Variants in PPEF1 observed in about 807,000 individuals in gnomAD.
PPEF1 encodes protein phosphatase with EF-hand domain 1.
PPEF1 carries 12 observed loss-of-function variants against 53.3 expected under a neutral mutation model. The observed-to-expected ratio is 0.23, with a 90% CI of 0.14 to 0.36. The LOEUF is 0.36. Ranked by LOEUF, PPEF1 falls within the 10% of genes least tolerant of loss-of-function variation. The pLI, the probability that PPEF1 is intolerant of heterozygous loss-of-function variation, is 1.00. For missense variants in PPEF1, 334 were observed against 490.4 expected, an observed-to-expected ratio of 0.68 and a Z score of 3.01; for synonymous variants, 165 against 176.7, an observed-to-expected ratio of 0.93 and a Z score of 0.52.
upstream of PPEF1, among the ~76,000 whole-genome samples, chrX:18,675,103 C>A (rs931914684): frequency 8.9e-6 from 1 of 112,830 alleles, no homozygotes; most frequent in African/African-American, 3.2e-5. Context: ...GCGGCGGCTT[C>A]GAGTCTCGGG....
At chrX:18,784,979 T>C (rs960022617) in intron 9 of PPEF1, among the ~76,000 whole-genome samples, 31 of 111,200 alleles carry the variant, frequency 2.8e-4, no homozygotes, top group African/African-American at 1.0e-3. Flanking sequence ...AGCCAGATGA[T>C]GCTATATGGT....
At chrX:18,794,671 C>T (rs1392372926) in intron 10 of PPEF1, among the ~76,000 whole-genome samples, 3 of 112,621 alleles carry the variant, frequency 2.7e-5, no homozygotes, top group South Asian at 3.6e-4. Context: ...GCCCAATGAG[C>T]GGGAGAAGTG....
intron 4 of PPEF1, 101 bp from the exon 5 acceptor site, chrX:18,757,526 G>T: frequency 1.8e-6 from 1 of 565,891 alleles, no homozygotes. Flanking sequence ...GAAATACAGC[G>T]ACCTGAAACG....
chrX:18,719,887 C>T (rs1349512583), intron 1 of PPEF1, among the ~76,000 whole-genome samples: 7 of 111,729 alleles, frequency 6.3e-5, no homozygotes, highest in African/African-American at 2.0e-4. Flanking sequence ...AGTCTCAAAG[C>T]GTGTTCCTGC....
upstream of PPEF1, among the ~76,000 whole-genome samples, chrX:18,705,841 A>G (rs1281161598): frequency 3.6e-5 from 4 of 112,439 alleles, no homozygotes; most frequent in African/African-American, 1.3e-4. Flanking sequence ...TTTTCAAAAC[A>G]TGGCCATAGT....
At position 18,797,395 on chromosome X, in the gene PPEF1, T is replaced by A. The variant is rs893407970; in HGVS notation, c.1066-6497T>A. Among the ~76,000 whole-genome samples, 6 of 111,851 alleles carry A rather than the reference T, an allele frequency of 5.4e-5. No individual in the cohort carries two copies. The East Asian group carries it at 1.7e-3, about 31-fold the overall frequency. On this transcript the variant is annotated intron_variant, in intron 10 of 15. Transcript: ENST00000470157. Reference sequence around the variant, plus strand: ...GGGGATATATTTAATCGGAGTTAAGTCACTATACAGAGATGAATATGATAC... The same window carrying A: ...GGGGATATATTTAATCGGAGTTAAGACACTATACAGAGATGAATATGATAC...
At chrX:18,676,516 C>T (rs895325220) in intron 1 of PPEF1, among the ~76,000 whole-genome samples, 10 of 110,664 alleles carry the variant, frequency 9.0e-5, no homozygotes, top group African/African-American at 2.0e-4. Flanking sequence ...AGAGGCCTCT[C>T]GAGCGCTTGA....
rs770358761 is a variant in PPEF1, at chrX:18,787,724, A to T, written c.913-1397A>T. ...CACTTGAGACCAGAAGTTCGAGACC[A>T]GCCTGGGTAACATAGCAAGACCCCA... On this transcript the variant is annotated intron_variant, in intron 9 of 15. Transcript: ENST00000470157. Among the ~76,000 whole-genome samples, 17 of 101,940 alleles carry T rather than the reference A, an allele frequency of 1.7e-4. No homozygotes were observed. In the East Asian group the frequency reaches 5.3e-3, roughly 32 times the overall value. The allele number at this position is 101,940 out of a possible 115,157, so 88.5% of individuals were successfully genotyped here.
intron 6 of PPEF1, among the ~76,000 whole-genome samples, chrX:18,769,001 G>C (rs748410662): frequency 3.6e-5 from 4 of 112,379 alleles, no homozygotes; most frequent in Non-Finnish European, 5.6e-5. Context: ...TTTATTCTCA[G>C]ACACTTTTTG....
In PPEF1 at chrX:18,726,815, C is replaced by T. The variant is rs1229156925; in HGVS notation, c.47-3366C>T. Among the ~76,000 whole-genome samples the T allele has an allele frequency of 5.4e-5, 6 of 110,131 alleles. No individual in the cohort carries two copies. In the East Asian group the frequency reaches 1.7e-3, roughly 32 times the overall value. ...TAGCTGGGATTACAAGCGTGTACCA[C>T]CGTGCCCAGCTAATTTTTGTATTTT... is the stretch of plus-strand genomic sequence containing the variant. On this transcript the variant is annotated intron_variant, in intron 1 of 15. Transcript: ENST00000470157.
chrX:18,781,431 T>C lies in PPEF1; in HGVS notation c.726-935T>C, dbSNP rs151165836. 9.9e-5 allele frequency among the ~76,000 whole-genome samples: 11 copies of C among 110,949 alleles called. No homozygotes were observed. In the East Asian group the frequency reaches 3.1e-3, roughly 32 times the overall value. On this transcript the variant is annotated intron_variant, in intron 7 of 15. Transcript: ENST00000470157. The stretch of plus-strand genomic sequence containing the variant: ...CATTTAAGGTGAGGTAGAGGAGAGC[T>C]TGCAAAAGAGGCTCAGAAGAGCCAG...
intron 3 of PPEF1, among the ~76,000 whole-genome samples, chrX:18,744,973 G>T (rs1475528173): frequency 9.7e-6 from 1 of 103,072 alleles, no homozygotes; most frequent in East Asian, 2.9e-4. Context: ...TGGAGAAGCT[G>T]TGATTCAAAC....
intron 10 of PPEF1, among the ~76,000 whole-genome samples, chrX:18,794,935 G>C (rs932985716): frequency 8.9e-6 from 1 of 112,607 alleles, no homozygotes; most frequent in African/African-American, 3.2e-5. Flanking sequence ...TCAAAATTTA[G>C]TAAGTTTTCT....
chrX:18,795,866 C>G (rs538302573), intron 10 of PPEF1, among the ~76,000 whole-genome samples: 2 of 112,136 alleles, frequency 1.8e-5, no homozygotes, highest in African/African-American at 6.5e-5. Flanking sequence ...TTGTTGGACT[C>G]TACGCTTCTC....
rs749409593 is a variant in PPEF1 at position 18,730,335 on chromosome X, T to G, written c.174+27T>G. ...TCTGTTTTGCAAGCTTTTCTCTTCT[T>G]TTGATAAAATGATTCTCTTTACCCC... On this transcript the variant is annotated intron_variant, in intron 2 of 15. Coordinates refer to ENST00000470157, the MANE Select transcript of PPEF1 (RefSeq NM_001377996.1). The G allele has an allele frequency of 1.5e-5, 18 of 1,191,651 alleles. No individual in the cohort carries two copies. The South Asian group carries it at 3.1e-4, about 21-fold the overall frequency.
At chrX:18,780,155 A>G (rs2046055221) in intron 7 of PPEF1, among the ~76,000 whole-genome samples, 1 of 112,202 alleles carries the variant, frequency 8.9e-6, no homozygotes, top group Non-Finnish European at 1.9e-5. Context: ...CCCTGCCCTC[A>G]TAGAGCTTAC....
rs1379707190 is a variant in PPEF1 at position 18,730,307 on chromosome X, A to G, written c.173A>G (p.Gln58Arg). Residue 58 changes from glutamine (Q) to arginine (R), a missense_variant and splice_region_variant, in exon 2 of 16, where the codon CAG (glutamine) becomes CGG (arginine). Coordinates refer to ENST00000470157, the MANE Select transcript of PPEF1 (RefSeq NM_001377996.1). ...TATGCTGATGAACAAGGCCAAATGC[A>G]GGTCTGTTTTGCAAGCTTTTCTCTT... ...IEYADEQGQM[Q>R]LSTFFSFMLE... The G allele has an allele frequency of 8.3e-7, 1 of 1,203,352 alleles. No homozygotes were observed. Among genetic ancestry groups the G allele is most frequent in the Non-Finnish European group, 1.1e-6 (1 of 891,851 alleles).
At chrX:18,754,636 C>T (rs769747707) in intron 4 of PPEF1, among the ~76,000 whole-genome samples, 1 of 111,910 alleles carries the variant, frequency 8.9e-6, no homozygotes, top group Admixed American at 9.5e-5. Context: ...CACACTCTGT[C>T]ACCCATGCTG....
At chrX:18,687,029 C>T (rs1189502913) in intron 3 of PPEF1, among the ~76,000 whole-genome samples, 1 of 111,730 alleles carries the variant, frequency 9.0e-6, no homozygotes, top group Non-Finnish European at 1.9e-5. Context: ...CATGAGATGG[C>T]TGCTCCTCCT....
Sources: allele counts gnomAD v4.1 joint callset (sites outside exome capture counted in the v4.1 genomes callset), GRCh38; gene constraint gnomAD v4.1.1; transcripts MANE v1.5; gene names NCBI Gene and HGNC (gene_info 2026-07-23, HGNC 2026-07-21).